Variants in C12orf42 observed in about 807,000 individuals in gnomAD.
C12orf42 encodes chromosome 12 open reading frame 42, also known as uncharacterized protein C12orf42.
C12orf42 carries 25 observed loss-of-function variants against 21.6 expected under a neutral mutation model. That is an observed-to-expected ratio of 1.16 (90% confidence interval 0.84 to 1.62). The LOEUF is 1.62. Among genes scored for constraint, C12orf42 ranks in the 40% most tolerant of loss-of-function variants. C12orf42 has a pLI of 0.00. For missense variants in C12orf42, 483 were observed against 459.3 expected (o/e 1.05, Z -0.47); for synonymous variants, 174 against 175.0 (o/e 0.99, Z 0.05).
At chr12:103,164,674 CT>C in the C12orf42 span, 1 of 451,072 alleles carries the variant, frequency 2.2e-6, no homozygotes, top group South Asian at 1.6e-5. Context: ...TTTTGTAAAC[CT>C]TTTGTTTTCA....
the C12orf42 span, among the ~76,000 whole-genome samples, chr12:103,188,381 C>A: frequency 1.3e-5 from 2 of 151,788 alleles, no homozygotes; most frequent in Non-Finnish European, 2.9e-5. Context: ...ACCTGGTGCA[C>A]CTATCACCTG....
At chr12:103,302,672 A>G (rs1188802596) in intron 5 of C12orf42, 113 bp from the exon 6 acceptor site, 5 of 654,642 alleles carry the variant, frequency 7.6e-6, no homozygotes, top group East Asian at 6.5e-5. Context: ...ATGTGCTCAG[A>G]GGGGAAAGAA....
At chr12:103,093,456 A>G in the C12orf42 span, among the ~76,000 whole-genome samples, 82 of 152,318 alleles carry the variant, frequency 5.4e-4, no homozygotes, top group Admixed American at 2.4e-3. Flanking sequence ...CAAGACTCCA[A>G]GAGAACTCAG....
At chr12:103,278,013 A>C (rs950001428) in intron 4 of C12orf42, among the ~76,000 whole-genome samples, 2 of 152,210 alleles carry the variant, frequency 1.3e-5, no homozygotes, top group Non-Finnish European at 2.9e-5. Flanking sequence ...AAAGATTTTT[A>C]AAAGTAAATT....
intron 4 of C12orf42, chr12:103,349,074 T>A (rs1257872848): frequency 6.6e-6 from 1 of 152,186 alleles, no homozygotes; most frequent in African/African-American, 2.4e-5. Flanking sequence ...TTCCTCTTAC[T>A]GTGATTAGTT....
chr12:103,243,648 T>C (rs1053302951), intron 10 of C12orf42, among the ~76,000 whole-genome samples: 15 of 152,276 alleles, frequency 9.9e-5, no homozygotes, highest in African/African-American at 3.4e-4. Context: ...TGCTTCTCTT[T>C]GTTAGCAAAA....
In C12orf42 at chr12:103,305,984, C is replaced by G. The variant is rs1466400000; in HGVS notation, c.621G>C (p.Lys207Asn). 1.3e-6 allele frequency: 2 copies of G among 1,599,702 alleles called. No individual in the cohort carries two copies. The highest frequency in any genetic ancestry group is 3.4e-5 in the Admixed American group (2 of 59,394). Residue 207 changes from lysine (K) to asparagine (N), a missense_variant, in exon 5 of 6, where the codon AAG becomes AAC. Transcript: ENST00000548883. ...CAACATGATACTTACCAGAATTTTT[C>G]TTGGGACTGCTCAAGGGCTGGCCCT... is the stretch of plus-strand genomic sequence containing the variant. ...RPKGQPLSSP[K>N]KNSGSAARPS... is the part of the protein sequence containing the mutation.
chr12:103,376,629 C>G (rs938179425), intron 3 of C12orf42, among the ~76,000 whole-genome samples: 2 of 151,908 alleles, frequency 1.3e-5, no homozygotes, highest in Non-Finnish European at 1.5e-5. Flanking sequence ...TAGTCTGATA[C>G]CATTATGTTC....
At chr12:103,435,643 G>A (rs1053272685) in intron 2 of C12orf42, among the ~76,000 whole-genome samples, 40 of 152,146 alleles carry the variant, frequency 2.6e-4, no homozygotes, top group African/African-American at 9.2e-4. Flanking sequence ...CTGGAAGAAA[G>A]GGTATCAGCA....
At chr12:103,361,597 G>A (rs918581266) in intron 4 of C12orf42, among the ~76,000 whole-genome samples, 16 of 150,004 alleles carry the variant, frequency 1.1e-4, no homozygotes, top group African/African-American at 3.7e-4. Context: ...TGCTTTCTCA[G>A]TTGAGAGGCT....
At chr12:103,147,786 C>T in the C12orf42 span, among the ~76,000 whole-genome samples, 1 of 152,094 alleles carries the variant, frequency 6.6e-6, no homozygotes, top group East Asian at 1.9e-4. Flanking sequence ...TTTGAAAAAC[C>T]TTGTTCAACC....
chr12:103,462,843 C>T (rs1008160951), intron 2 of C12orf42, among the ~76,000 whole-genome samples: 1 of 152,146 alleles, frequency 6.6e-6, no homozygotes, highest in Non-Finnish European at 1.5e-5. Flanking sequence ...ATAATGCATT[C>T]ACATCTTTTG....
chr12:103,286,485 T>TC, intron 4 of C12orf42, among the ~76,000 whole-genome samples: 1 of 151,458 alleles, frequency 6.6e-6, no homozygotes, highest in Non-Finnish European at 1.5e-5. Flanking sequence ...TAAAATAATA[T>TC]CATAGTAACC....
At chr12:103,507,393 G>A in the C12orf42 span, among the ~76,000 whole-genome samples, 1 of 142,116 alleles carries the variant, frequency 7.0e-6, no homozygotes, top group Non-Finnish European at 1.5e-5. Context: ...AAATAGGTTG[G>A]GCACAGTGGG....
the C12orf42 span, among the ~76,000 whole-genome samples, chr12:103,165,344 C>T: frequency 6.6e-6 from 1 of 152,200 alleles, no homozygotes; most frequent in Non-Finnish European, 1.5e-5. Context: ...AACATGGCTG[C>T]ATCTCCCAGG....
intron 10 of C12orf42, among the ~76,000 whole-genome samples, chr12:103,257,953 T>C (rs1179034304): frequency 6.6e-6 from 1 of 152,000 alleles, no homozygotes; most frequent in Non-Finnish European, 1.5e-5. Context: ...CCTATGGTCA[T>C]CTAGAAAAGA....
At chr12:103,459,655 A>T (rs970847487) in intron 2 of C12orf42, among the ~76,000 whole-genome samples, 1 of 152,226 alleles carries the variant, frequency 6.6e-6, no homozygotes, top group Non-Finnish European at 1.5e-5. Context: ...TCTTCACAGA[A>T]ATGCAAAAAT....
intron 3 of C12orf42, among the ~76,000 whole-genome samples, chr12:103,399,070 A>C (rs1274433221): frequency 6.6e-6 from 1 of 151,978 alleles, no homozygotes; most frequent in Non-Finnish European, 1.5e-5. Context: ...ATAATGTTTT[A>C]TACATTTTTC....
intron 3 of C12orf42, among the ~76,000 whole-genome samples, chr12:103,381,846 G>A (rs2046206900): frequency 6.6e-6 from 1 of 152,042 alleles, no homozygotes; most frequent in Non-Finnish European, 1.5e-5. Flanking sequence ...GAACCTGGGA[G>A]GCGGATCTTG....
Sources: allele counts gnomAD v4.1 joint callset (sites outside exome capture counted in the v4.1 genomes callset), GRCh38; gene constraint gnomAD v4.1.1; transcripts MANE v1.5; gene names NCBI Gene and HGNC (gene_info 2026-07-23, HGNC 2026-07-21).